The following NSD1 variants were observed in gnomAD, a reference collection of about 807,000 sequenced individuals.
NSD1 encodes the protein nuclear receptor binding SET domain protein 1, also known as histone-lysine N-methyltransferase, H3 lysine-36 specific.
NSD1 carries 26 observed loss-of-function variants against 242.7 expected under a neutral mutation model. The observed-to-expected ratio is 0.11, with a 90% CI of 0.08 to 0.15. NSD1 has a LOEUF of 0.15. Ranked by LOEUF, NSD1 falls within the 10% of genes least tolerant of loss-of-function variation. The pLI is 1.00. For synonymous variants in NSD1, 1,106 were observed against 1,178.1 expected (o/e 0.94, Z 1.25); for missense variants, 2,495 against 3,272.8 (o/e 0.76, Z 5.80).
At chr5:177,281,807 C>G (rs890475374) in intron 18 of NSD1, among the ~76,000 whole-genome samples, 1 of 152,142 alleles carries the variant, frequency 6.6e-6, no homozygotes, top group African/African-American at 2.4e-5. Flanking sequence ...CTCGCATCAC[C>G]ACGCCTGGCT....
intron 14 of NSD1, chr5:177,266,149 C>A: frequency 1.8e-6 from 2 of 1,094,958 alleles, no homozygotes; most frequent in Non-Finnish European, 2.8e-6. Flanking sequence ...GCCACTTGTC[C>A]GGGCATAGAG....
At chr5:177,165,005 A>T (rs1173398126) in intron 2 of NSD1, among the ~76,000 whole-genome samples, 1 of 151,752 alleles carries the variant, frequency 6.6e-6, no homozygotes, top group African/African-American at 2.4e-5. Context: ...ATTGGCTTAC[A>T]CTTGTAATTC....
At position 177,257,817 on chromosome 5, in the gene NSD1, T is replaced by TTTTTATTTTA. The variant is rs10616203; in HGVS notation, c.4966+686_4966+695dup. On this transcript the variant is annotated intron_variant, in intron 13 of 22. Coordinates refer to ENST00000439151, the MANE Select transcript of NSD1 (RefSeq NM_022455.5). Reference sequence around the variant, plus strand: ...GAGTGTAGTCTTCCCCTGGGCTTTTTTTTTATTTTATTTTATTTTATTTTA... The same window carrying TTTTTATTTTA: ...GAGTGTAGTCTTCCCCTGGGCTTTTTTTTTATTTTATTTTATTTTATTTTATTTTATTTTA... 5.0e-3 allele frequency among the ~76,000 whole-genome samples: 696 copies of TTTTTATTTTA among 139,720 alleles called. 1 individual carries two copies. Among genetic ancestry groups the TTTTTATTTTA allele is most frequent in the African/African-American group, 0.011 (442 of 38,612 alleles). The allele number at this position is 139,720 out of a possible 152,430, so 91.7% of individuals were successfully genotyped here. A position where few individuals can be genotyped will look rare whatever the true frequency, so the allele number is the denominator to read the frequency against.
At chr5:177,214,286 T>A (rs1763594872) in intron 5 of NSD1, among the ~76,000 whole-genome samples, 1 of 152,130 alleles carries the variant, frequency 6.6e-6, no homozygotes, top group Admixed American at 6.6e-5. Context: ...GAGTGGAGGT[T>A]GCAGTGAGCT....
intron 18 of NSD1, among the ~76,000 whole-genome samples, chr5:177,281,716 C>T (rs1461630731): frequency 3.9e-5 from 6 of 152,136 alleles, no homozygotes; most frequent in Non-Finnish European, 8.8e-5. Context: ...GCACTGGTGC[C>T]ATCTCCGCTC....
intron 14 of NSD1, among the ~76,000 whole-genome samples, chr5:177,260,441 G>A (rs371175672): frequency 2.1e-5 from 3 of 144,148 alleles, no homozygotes; most frequent in East Asian, 2.0e-4. Flanking sequence ...CCACCTCCCA[G>A]GTTCAAGCAG....
intron 12 of NSD1, among the ~76,000 whole-genome samples, chr5:177,256,723 C>T (rs957041958): frequency 6.6e-6 from 1 of 152,124 alleles, no homozygotes; most frequent in African/African-American, 2.4e-5. Context: ...GCGGGGGTGC[C>T]AGCGGCAAGC....
At chr5:177,182,074 C>G (rs1760736476) in intron 2 of NSD1, among the ~76,000 whole-genome samples, 1 of 151,860 alleles carries the variant, frequency 6.6e-6, no homozygotes, top group African/African-American at 2.4e-5. Context: ...ATGGTGTGAA[C>G]CCGGGAGGTG....
intron 5 of NSD1, among the ~76,000 whole-genome samples, chr5:177,217,706 T>C (rs1485301197): frequency 6.8e-6 from 1 of 147,692 alleles, no homozygotes; most frequent in Non-Finnish European, 1.5e-5. Flanking sequence ...TCATTCTTGG[T>C]GTCCATGATG....
chr5:177,132,132 C>T (rs1755925324), upstream of NSD1, among the ~76,000 whole-genome samples: 2 of 152,244 alleles, frequency 1.3e-5, no homozygotes, highest in African/African-American at 4.8e-5. The surrounding 1 kb of genome is among the most constrained non-coding windows in gnomAD (Gnocchi z 7.5). Flanking sequence ...GCCGTGAGGC[C>T]CCAGGCCGAG....
At position 177,204,334 on chromosome 5, in the gene NSD1, G is replaced by GT. The variant is rs768100355; in HGVS notation, c.1236+43dup. The GT allele has an allele frequency of 7.6e-6, 12 of 1,571,574 alleles. 1 individual carries two copies. In the South Asian group the frequency reaches 1.3e-4, roughly 18 times the overall value. On this transcript the variant is annotated intron_variant, in intron 4 of 22. Coordinates refer to ENST00000439151, the MANE Select transcript of NSD1 (RefSeq NM_022455.5). ...GCTTTTTATTGAGTGACAGAAGCAA[G>GT]TAAGAAAAAGAAAGAAAATGGCCTC...
At chr5:177,273,859 A>G (rs966217439) in intron 17 of NSD1, 75 bp downstream of exon 17, 3 of 967,988 alleles carry the variant, frequency 3.1e-6, no homozygotes, top group African/African-American at 1.6e-5. Context: ...TGTTCATGAC[A>G]AGAACGGAAG....
chr5:177,294,281 A>G lies in NSD1; in HGVS notation c.6913A>G (p.Lys2305Glu). 1 of 1,613,552 alleles carries G rather than the reference A, an allele frequency of 6.2e-7. No individual in the cohort carries two copies. The highest frequency in any genetic ancestry group is 8.5e-7 in the Non-Finnish European group (1 of 1,179,524). ...KVRDLAGSGT[K>E]SQSLVSSQRP... is the part of the protein sequence containing the mutation. ...CAGAGACCTCGCTGGGTCAGGGACC[A>G]AATCCCAATCCTTGGTTTCCAGCCA... is the stretch of plus-strand genomic sequence containing the variant. The change falls in exon 23 of 23, where the codon AAA becomes GAA. Residue 2305 changes from lysine to glutamate, a missense_variant. Around this residue, in one of 19 missense-constraint regions of NSD1, gnomAD observed 475 missense variants for 563.7 expected, o/e 0.84. Transcript: ENST00000439151.
intron 13 of NSD1, among the ~76,000 whole-genome samples, chr5:177,257,527 G>A (rs143315857): frequency 7.8e-4 from 119 of 152,034 alleles, no homozygotes; most frequent in African/African-American, 2.6e-3. Flanking sequence ...CGCTGCGCCC[G>A]GCCGGCAACA....
intron 14 of NSD1, chr5:177,266,350 G>T: frequency 1.4e-6 from 1 of 704,140 alleles, no homozygotes; most frequent in South Asian, 1.4e-5. Context: ...CGATGCCGAT[G>T]ACCTTGCGGG....
At chr5:177,154,862 AT>A (rs1270931363) in intron 2 of NSD1, among the ~76,000 whole-genome samples, 1 of 150,758 alleles carries the variant, frequency 6.6e-6, no homozygotes, top group Non-Finnish European at 1.5e-5. Context: ...TGCTCGGCTA[AT>A]TTTTGTATTT....
At chr5:177,156,439 A>C (rs1758144175) in intron 2 of NSD1, among the ~76,000 whole-genome samples, 1 of 152,110 alleles carries the variant, frequency 6.6e-6, no homozygotes, top group African/African-American at 2.4e-5. Context: ...TCAGCCTCCC[A>C]AAGTGTTGGA....
At chr5:177,265,212 G>A (rs575737674) in intron 14 of NSD1, 9 of 779,032 alleles carry the variant, frequency 1.2e-5, no homozygotes, top group Non-Finnish European at 1.9e-5. Flanking sequence ...TGAGCTGCTG[G>A]AACCTATTCC....
At chr5:177,245,285 A>G (rs768289548) in intron 9 of NSD1, among the ~76,000 whole-genome samples, 2 of 152,194 alleles carry the variant, frequency 1.3e-5, no homozygotes, top group Non-Finnish European at 2.9e-5. Context: ...CTGTATTTTT[A>G]TATTTCGTTT....
Sources: allele counts gnomAD v4.1 joint callset (sites outside exome capture counted in the v4.1 genomes callset), GRCh38; gene constraint gnomAD v4.1.1; regional missense constraint gnomAD v4.1.1; non-coding constraint Gnocchi (gnomAD v3.1); transcripts MANE v1.5; gene names NCBI Gene and HGNC (gene_info 2026-07-23, HGNC 2026-07-21).